MYO1E: variants seen among roughly 807,000 people sequenced by gnomAD.
MYO1E encodes myosin IE.
In MYO1E, 68 loss-of-function variants were observed where a neutral mutation model predicts 151.1. The observed-to-expected ratio is 0.45, with a 90% CI of 0.37 to 0.55. MYO1E has a LOEUF of 0.55. Among genes scored for constraint, MYO1E ranks in the 20% least tolerant of loss-of-function variants. The pLI is 0.00. For synonymous variants in MYO1E, 601 were observed against 501.7 expected (o/e 1.20, Z -2.64); for missense variants, 1,363 against 1,389.3 (o/e 0.98, Z 0.30).
intron 4 of MYO1E, among the ~76,000 whole-genome samples, chr15:59,237,073 A>G (rs544128700): frequency 3.3e-5 from 5 of 152,380 alleles, no homozygotes; most frequent in African/African-American, 1.2e-4. Flanking sequence ...TAAGTCATTC[A>G]AGTTATATAC....
In MYO1E at chr15:59,233,490, C is replaced by T. The variant is rs141216286; in HGVS notation, c.421-1699G>A. 2.0e-3 allele frequency among the ~76,000 whole-genome samples: 308 copies of T among 151,866 alleles called. 2 individuals are homozygous for T. Among genetic ancestry groups the T allele is most frequent in the African/African-American group, 7.0e-3 (291 of 41,404 alleles). ...ACCATCCTGGCCAGCATGGTGAAAC[C>T]CCATCTCTACTAAAAATACAAAAAT... On this transcript the variant is annotated intron_variant, in intron 5 of 27. Transcript: ENST00000288235.
chr15:59,215,061 A>C (rs777352195), intron 10 of MYO1E, among the ~76,000 whole-genome samples: 2 of 152,208 alleles, frequency 1.3e-5, no homozygotes, highest in Admixed American at 6.5e-5. Flanking sequence ...CCTATTTCAC[A>C]CAAAGAACCC....
intron 1 of MYO1E, among the ~76,000 whole-genome samples, chr15:59,308,620 C>T (rs1275885226): frequency 1.0e-4 from 15 of 149,356 alleles, no homozygotes; most frequent in Admixed American, 1.3e-4. Flanking sequence ...TGCAGTGAGC[C>T]GACATTGCAC....
At chr15:59,142,645 A>C (rs1405055469) in intron 26 of MYO1E, among the ~76,000 whole-genome samples, 1 of 152,132 alleles carries the variant, frequency 6.6e-6, no homozygotes, top group African/African-American at 2.4e-5. Flanking sequence ...AAAAAGGACC[A>C]AAACCCTTCA....
intron 25 of MYO1E, among the ~76,000 whole-genome samples, chr15:59,157,729 T>C (rs766501042): frequency 6.6e-6 from 1 of 152,242 alleles, no homozygotes; most frequent in Non-Finnish European, 1.5e-5. Flanking sequence ...TAACAATATA[T>C]CTTCTATCTG....
intron 4 of MYO1E, among the ~76,000 whole-genome samples, chr15:59,246,383 C>A (rs575155610): frequency 1.3e-5 from 2 of 152,168 alleles, no homozygotes; most frequent in Non-Finnish European, 2.9e-5. Flanking sequence ...GGATTACAGG[C>A]GTGAGCCACC....
At chr15:59,307,984 AG>A (rs1224830828) in intron 1 of MYO1E, among the ~76,000 whole-genome samples, 2 of 150,106 alleles carry the variant, frequency 1.3e-5, no homozygotes, top group African/African-American at 2.4e-5. Flanking sequence ...GGGGAGGCCA[AG>A]GTGAGCGGAT....
At chr15:59,197,996 G>A (rs1253428814) in intron 16 of MYO1E, among the ~76,000 whole-genome samples, 1 of 152,078 alleles carries the variant, frequency 6.6e-6, no homozygotes, top group East Asian at 1.9e-4. Context: ...TGTGTAGCTG[G>A]GACTGGAAGC....
At chr15:59,231,645 C>A in intron 6 of MYO1E, 57 bp downstream of exon 6, 1 of 1,563,040 alleles carries the variant, frequency 6.4e-7, no homozygotes, top group Non-Finnish European at 8.8e-7. Context: ...AGACTTCAGT[C>A]AGAAGCATCA....
At chr15:59,211,736 A>T (rs2079880590) in intron 12 of MYO1E, among the ~76,000 whole-genome samples, 1 of 152,112 alleles carries the variant, frequency 6.6e-6, no homozygotes, top group Non-Finnish European at 1.5e-5. Context: ...AAAGCTAAGA[A>T]TCACCCGTGA....
At chr15:59,306,080 G>C (rs2080513065) in intron 1 of MYO1E, among the ~76,000 whole-genome samples, 1 of 152,050 alleles carries the variant, frequency 6.6e-6, no homozygotes, top group African/African-American at 2.4e-5. Context: ...TTCTCAGGTG[G>C]GCATTTTTCT....
rs58020152 is a variant in MYO1E at position 59,312,642 on chromosome 15, G to A, written c.4-40193C>T. Reference sequence around the variant, plus strand: ...GCCTCCCAAAGTGCTGGGATTAGGCGAGAACACCATCCTTGATCATGCTAG... The same window carrying A: ...GCCTCCCAAAGTGCTGGGATTAGGCAAGAACACCATCCTTGATCATGCTAG... On this transcript the variant is annotated intron_variant, in intron 1 of 27. Transcript: ENST00000288235. Among the ~76,000 whole-genome samples, 296 of 152,170 alleles carry A rather than the reference G, an allele frequency of 1.9e-3. 3 individuals carry two copies. The highest frequency in any genetic ancestry group is 6.6e-3 in the African/African-American group (275 of 41,506).
intron 1 of MYO1E, among the ~76,000 whole-genome samples, chr15:59,320,449 G>A (rs1170619692): frequency 1.3e-5 from 2 of 152,058 alleles, no homozygotes; most frequent in African/African-American, 4.8e-5. Context: ...AACCAAAACA[G>A]CATGGTACTA....
In MYO1E at chr15:59,248,989, G is replaced by C. The variant is rs113216708; in HGVS notation, c.332+7295C>G. Among the ~76,000 whole-genome samples the C allele has an allele frequency of 9.5e-4, 144 of 152,290 alleles. 1 individual carries two copies. The highest frequency in any genetic ancestry group is 3.2e-3 in the African/African-American group (132 of 41,560). ...GGGTCTGATTCACACTTCCTTGTGA[G>C]TTTGCTTGGCAAGTCAGTCTACCCA... On this transcript the variant is annotated intron_variant, in intron 4 of 27. Transcript: ENST00000288235.
chr15:59,173,788 A>G lies in MYO1E; in HGVS notation c.2292T>C (p.Ile764=). The G allele has an allele frequency of 6.2e-7, 1 of 1,614,060 alleles. No homozygotes were observed. Among genetic ancestry groups the G allele is most frequent in the Non-Finnish European group, 8.5e-7 (1 of 1,179,946 alleles). ...LQQFVGKREK[I]DFADTVTKYD... ...ACTTGGTGACTGTGTCTGCGAAATC[A>G]ATCTTCTCCCTCTTGCCCACGAACT... Residue 764 remains isoleucine (I), a synonymous_variant, in exon 21 of 28, where the codon ATT becomes ATC. Coordinates refer to ENST00000288235, the MANE Select transcript of MYO1E (RefSeq NM_004998.4).
intron 1 of MYO1E, among the ~76,000 whole-genome samples, chr15:59,353,757 C>A (rs1416796240): frequency 4.6e-5 from 6 of 129,872 alleles, no homozygotes; most frequent in African/African-American, 8.6e-5. Flanking sequence ...AACTCCGTCT[C>A]AAAAAAAAAA....
At position 59,163,330 on chromosome 15, in the gene MYO1E, T is replaced by C. The variant is rs751632254; in HGVS notation, c.2481-27A>G. ...TGTAAAGAGATTGGACAAACACACT[T>C]GGTGAAAGCTGTGCTTCTGTTTACT... On this transcript the variant is annotated intron_variant, in intron 22 of 27. Transcript: ENST00000288235. 7 of 1,608,198 alleles carry C rather than the reference T, an allele frequency of 4.4e-6. No homozygotes were observed. In the East Asian group the frequency reaches 1.3e-4, roughly 31 times the overall value.
At chr15:59,317,647 A>G (rs1315334550) in intron 1 of MYO1E, among the ~76,000 whole-genome samples, 1 of 152,130 alleles carries the variant, frequency 6.6e-6, no homozygotes, top group Admixed American at 6.5e-5. Context: ...TACAGGTGGA[A>G]TTTCTGTTCT....
At chr15:59,150,328 G>A (rs1003842285) in intron 26 of MYO1E, among the ~76,000 whole-genome samples, 3 of 152,224 alleles carry the variant, frequency 2.0e-5, no homozygotes, top group African/African-American at 7.2e-5. Context: ...GGTGCCATAA[G>A]ACTTAAATAG....
Sources: gnomAD v4.1 joint callset for allele counts (sites outside exome capture counted in the v4.1 genomes callset) on GRCh38, gnomAD v4.1.1 for gene constraint, MANE v1.5 for transcripts, NCBI Gene and HGNC (gene_info 2026-07-23, HGNC 2026-07-21) for gene names.